The following OSBPL9 variants were observed in gnomAD, a reference collection of about 807,000 sequenced individuals.
The protein encoded by OSBPL9 is oxysterol binding protein like 9.
Under a neutral mutation model 106.6 loss-of-function variants are expected in OSBPL9, and 40 were observed. The observed-to-expected ratio is 0.38, with a 90% CI of 0.29 to 0.49. The LOEUF (loss-of-function observed/expected upper bound fraction) is 0.49. Among genes scored for constraint, OSBPL9 ranks in the 20% least tolerant of loss-of-function variants. OSBPL9 has a pLI of 0.97. For missense variants in OSBPL9, 609 were observed against 887.2 expected (o/e 0.69, Z 3.98); for synonymous variants, 269 against 295.4 (o/e 0.91, Z 0.92).
At chr1:51,693,958 C>T (rs188714816) in intron 3 of OSBPL9, among the ~76,000 whole-genome samples, 3 of 152,298 alleles carry the variant, frequency 2.0e-5, no homozygotes, top group Admixed American at 6.5e-5. Context: ...GCCAGAGATA[C>T]AGCCATGAAT....
At chr1:51,648,154 A>C (rs189736235) in intron 1 of OSBPL9, among the ~76,000 whole-genome samples, 80 of 152,344 alleles carry the variant, frequency 5.3e-4, no homozygotes, top group Middle Eastern at 3.4e-3. Flanking sequence ...AACATTGGTA[A>C]GATAACACTC....
At chr1:51,767,912 A>G (rs1571658579) in intron 12 of OSBPL9, among the ~76,000 whole-genome samples, 1 of 119,040 alleles carries the variant, frequency 8.4e-6, no homozygotes, top group African/African-American at 3.1e-5. Context: ...TCATTATTTT[A>G]TTTAAAAGAG....
At chr1:51,642,099 G>A (rs1645837699) in intron 1 of OSBPL9, among the ~76,000 whole-genome samples, 1 of 152,034 alleles carries the variant, frequency 6.6e-6, no homozygotes, top group African/African-American at 2.4e-5. Flanking sequence ...TTTGTCTTTG[G>A]GCAGCCGATT....
chr1:51,661,819 C>G (rs892144448), intron 2 of OSBPL9, among the ~76,000 whole-genome samples: 7 of 152,108 alleles, frequency 4.6e-5, no homozygotes, highest in African/African-American at 1.7e-4. Flanking sequence ...GGAAGGATGT[C>G]TCAGGCAGAG....
At chr1:51,570,846 G>A in the OSBPL9 span, among the ~76,000 whole-genome samples, 5 of 151,686 alleles carry the variant, frequency 3.3e-5, no homozygotes, top group South Asian at 4.2e-4. Flanking sequence ...TTTTGGAGAC[G>A]GAGTCTTGCT....
Position 51,787,491 on chromosome 1 carries a change from A to G in OSBPL9, c.2136+3A>G. On this transcript the variant is annotated splice_donor_region_variant and intron_variant, in intron 23 of 23. Coordinates refer to ENST00000428468, the MANE Select transcript of OSBPL9 (RefSeq NM_024586.6). ...AGGAAATTCAGTGGGAGACAAGGGT[A>G]AGCTTGCCTGCCCCACCCTCCTAAG... 6.2e-7 allele frequency: 1 copy of G among 1,613,902 alleles called. No individual in the cohort carries two copies. Among genetic ancestry groups the G allele is most frequent in the Admixed American group, 1.7e-5 (1 of 60,002 alleles).
intron 9 of OSBPL9, chr1:51,759,375 T>A (rs1671021534): frequency 6.6e-6 from 1 of 152,086 alleles, no homozygotes; most frequent in Non-Finnish European, 1.5e-5. Context: ...TGGAAAAAAA[T>A]TTTTAACTTA....
chr1:51,661,949 G>C, intron 2 of OSBPL9, among the ~76,000 whole-genome samples: 1 of 152,174 alleles, frequency 6.6e-6, no homozygotes, highest in East Asian at 1.9e-4. Context: ...TTGTAGGCTA[G>C]GCTGTGGCGG....
chr1:51,547,826 G>C, the OSBPL9 span, among the ~76,000 whole-genome samples: 2 of 151,780 alleles, frequency 1.3e-5, no homozygotes, highest in Non-Finnish European at 2.9e-5. Flanking sequence ...ACTCCAGCTT[G>C]GATGACAGAG....
rs1160824023 is a variant in OSBPL9 at position 51,602,591 on chromosome 1, T to TA, written c.-353+4407dup. ...ACACAAGTCACCACACCCAGCTGAT[T>TA]AAAAAAAAATTTTTTTTTGTAGAGA... is the stretch of plus-strand genomic sequence containing the variant. On this transcript the variant is annotated intron_variant, in intron 2 of 25. Coordinates refer to the OSBPL9 transcript ENST00000371714. Among the ~76,000 whole-genome samples, 397 of 150,740 alleles carry TA rather than the reference T, an allele frequency of 2.6e-3. 2 individuals carry two copies. The highest frequency in any genetic ancestry group is 8.8e-3 in the African/African-American group (362 of 41,216).
intron 1 of OSBPL9, among the ~76,000 whole-genome samples, chr1:51,633,664 G>A (rs1645247937): frequency 6.6e-6 from 1 of 151,736 alleles, no homozygotes; most frequent in African/African-American, 2.4e-5. Context: ...CTCTGTCACG[G>A]GGGCTAGAGT....
At chr1:51,758,658 T>C (rs1473190943) in intron 9 of OSBPL9, among the ~76,000 whole-genome samples, 1 of 152,122 alleles carries the variant, frequency 6.6e-6, no homozygotes, top group Non-Finnish European at 1.5e-5. Flanking sequence ...ATCTGGAAAA[T>C]AAAAGATTAC....
intron 1 of OSBPL9, among the ~76,000 whole-genome samples, chr1:51,644,078 TAAAAAAAAAAAAA>T (rs968921768): frequency 4.6e-5 from 2 of 43,222 alleles, no homozygotes; most frequent in Non-Finnish European, 8.1e-5. Context: ...AGACCTTGTC[TAAAAAAAAAAAAA>T]AAAAAAAAAA....
intron 3 of OSBPL9, among the ~76,000 whole-genome samples, chr1:51,687,728 G>C (rs1370068052): frequency 6.6e-6 from 1 of 152,182 alleles, no homozygotes; most frequent in African/African-American, 2.4e-5. Flanking sequence ...AGGAGAAGGA[G>C]GCTTGAGTTG....
chr1:51,752,124 A>T (rs1669370621), intron 8 of OSBPL9, among the ~76,000 whole-genome samples: 3 of 152,166 alleles, frequency 2.0e-5, no homozygotes, highest in African/African-American at 7.2e-5. Flanking sequence ...TTTGGAATGA[A>T]ATAGAAACTA....
chr1:51,709,808 C>T (rs1659429052), intron 3 of OSBPL9: 1 of 152,336 alleles, frequency 6.6e-6, no homozygotes, highest in Admixed American at 6.5e-5. Context: ...ATATTACGAA[C>T]ACGGGTGCCC....
At chr1:51,693,139 A>G (rs576585343) in intron 3 of OSBPL9, among the ~76,000 whole-genome samples, 53 of 152,132 alleles carry the variant, frequency 3.5e-4, no homozygotes, top group African/African-American at 1.3e-3. Context: ...CAACACTTTG[A>G]GAGGTAGGAG....
At chr1:51,770,867 T>G (rs1257024501) in intron 12 of OSBPL9, among the ~76,000 whole-genome samples, 1 of 152,234 alleles carries the variant, frequency 6.6e-6, no homozygotes, top group Non-Finnish European at 1.5e-5. Flanking sequence ...GAAACTATTC[T>G]GTATGATACA....
At chr1:51,520,293 C>A in the OSBPL9 span, among the ~76,000 whole-genome samples, 1 of 152,212 alleles carries the variant, frequency 6.6e-6, no homozygotes, top group Non-Finnish European at 1.5e-5. Context: ...ACATCCTACA[C>A]CTTCTGATGC....
Sources: allele counts gnomAD v4.1 joint callset (sites outside exome capture counted in the v4.1 genomes callset), GRCh38; gene constraint gnomAD v4.1.1; transcripts MANE v1.5; gene names NCBI Gene and HGNC (gene_info 2026-07-23, HGNC 2026-07-21).